Variants in LHPP observed in about 807,000 individuals in gnomAD.
LHPP encodes hLHPP.
LHPP carries 24 observed loss-of-function variants against 30.3 expected under a neutral mutation model. The ratio of observed to expected loss-of-function variants is 0.79; its 90% CI spans 0.57 to 1.11. LHPP has a LOEUF of 1.11. Among genes scored for constraint, LHPP ranks in the 50% most tolerant of loss-of-function variants. LHPP has a pLI of 0.00. For missense variants in LHPP, 356 were observed against 367.2 expected, an observed-to-expected ratio of 0.97 and a Z score of 0.25; for synonymous variants, 150 against 157.1, an observed-to-expected ratio of 0.95 and a Z score of 0.34.
At chr10:124,530,815 C>G (rs999650124) in intron 6 of LHPP, among the ~76,000 whole-genome samples, 4 of 152,204 alleles carry the variant, frequency 2.6e-5, no homozygotes, top group African/African-American at 7.2e-5. Flanking sequence ...CACCACAGCG[C>G]ACAGGGCCGA....
At chr10:124,476,206 C>A (rs926587047) in intron 1 of LHPP, among the ~76,000 whole-genome samples, 1 of 152,184 alleles carries the variant, frequency 6.6e-6, no homozygotes, top group African/African-American at 2.4e-5. Context: ...GGAGGCCCAG[C>A]TAGGTCCCAG....
intron 5 of LHPP, 102 bp downstream of exon 5, chr10:124,498,230 C>T: frequency 6.7e-7 from 1 of 1,487,748 alleles, no homozygotes; most frequent in Non-Finnish European, 9.3e-7. Context: ...GTGGGGTTGG[C>T]CAGGCAGCCA....
chr10:124,479,247 G>C (rs11593039), intron 1 of LHPP, among the ~76,000 whole-genome samples: 5,049 of 152,226 alleles, frequency 0.033, 137 homozygotes, highest in Non-Finnish European at 0.052. Context: ...GTGGTGGGGT[G>C]GGAACAGCCC....
rs1955187209 is a variant in LHPP at position 124,541,472 on chromosome 10, C to T, written c.716+24201C>T. On this transcript the variant is annotated intron_variant, in intron 6 of 6. Coordinates refer to ENST00000368842, the MANE Select transcript of LHPP (RefSeq NM_022126.4). The surrounding 1 kb of genome is among the most constrained non-coding windows in gnomAD (Gnocchi z 4.2). ...AGAGCCAGCCTCTGCTAGCCCCAGACCTAACGGAGTTGCGGCTCATGGCCA... is the reference window on the plus strand; with the variant it reads ...AGAGCCAGCCTCTGCTAGCCCCAGATCTAACGGAGTTGCGGCTCATGGCCA... Among the ~76,000 whole-genome samples, 1 of 152,126 alleles carries T rather than the reference C, an allele frequency of 6.6e-6. No individual in the cohort carries two copies.
At chr10:124,530,016 C>T (rs561337484) in intron 6 of LHPP, among the ~76,000 whole-genome samples, 1 of 152,322 alleles carries the variant, frequency 6.6e-6, no homozygotes, top group East Asian at 1.9e-4. Context: ...CCACAGGGCC[C>T]AGGCCACCCG....
Position 124,613,183 on chromosome 10 carries a change from A to T in LHPP, c.717-81A>T. 1.8e-6 allele frequency: 2 copies of T among 1,085,992 alleles called. 1 individual carries two copies. Among genetic ancestry groups the T allele is most frequent in the South Asian group, 2.5e-5 (2 of 80,310 alleles). 67.3% of individuals were successfully genotyped at this position (1,085,992 alleles called of 1,614,324 possible). A position where few individuals can be genotyped will look rare whatever the true frequency, so the allele number is the denominator to read the frequency against. On this transcript the variant is annotated intron_variant, in intron 6 of 6. Coordinates refer to ENST00000368842, the MANE Select transcript of LHPP (RefSeq NM_022126.4). Reference sequence around the variant, plus strand: ...GTTTCCTCAAGCTAAGGCCAGGCCCATGTTAGATGCTGGGAGGGTGGGTGT... The same window carrying T: ...GTTTCCTCAAGCTAAGGCCAGGCCCTTGTTAGATGCTGGGAGGGTGGGTGT...
intron 1 of LHPP, among the ~76,000 whole-genome samples, chr10:124,480,620 G>T (rs1428449936): frequency 6.6e-6 from 1 of 152,174 alleles, no homozygotes; most frequent in Non-Finnish European, 1.5e-5. Context: ...CCAATCAATG[G>T]AGATCTATCC....
intron 6 of LHPP, among the ~76,000 whole-genome samples, chr10:124,579,199 C>T (rs570935714): frequency 1.7e-4 from 26 of 152,358 alleles, no homozygotes; most frequent in African/African-American, 5.5e-4. Context: ...CCGGGCCGAG[C>T]GTTCTGAGCG....
intron 6 of LHPP, among the ~76,000 whole-genome samples, chr10:124,544,692 G>A (rs1955289324): frequency 6.6e-6 from 1 of 152,222 alleles, no homozygotes; most frequent in Admixed American, 6.5e-5. Flanking sequence ...TCGGCTCTGT[G>A]GCCGGCTGAG....
chr10:124,556,868 A>G (rs1948309158), intron 6 of LHPP, among the ~76,000 whole-genome samples: 2 of 152,180 alleles, frequency 1.3e-5, no homozygotes, highest in African/African-American at 2.4e-5. Flanking sequence ...TTTTAAACGA[A>G]GGCTCTTCTT....
At chr10:124,580,091 T>C (rs1240554383) in intron 6 of LHPP, among the ~76,000 whole-genome samples, 2 of 148,386 alleles carry the variant, frequency 1.3e-5, no homozygotes, top group African/African-American at 4.8e-5. Context: ...TACCTATTCA[T>C]ATCCTTTGTA....
intron 6 of LHPP, among the ~76,000 whole-genome samples, chr10:124,556,799 A>G (rs779539061): frequency 2.0e-5 from 3 of 152,254 alleles, no homozygotes; most frequent in Admixed American, 1.3e-4. Context: ...TCAGTCGCTG[A>G]TATTTGTTTC....
intron 6 of LHPP, among the ~76,000 whole-genome samples, chr10:124,542,572 C>T (rs957536725): frequency 1.1e-4 from 17 of 152,162 alleles, no homozygotes; most frequent in Admixed American, 9.2e-4. Context: ...TCTCCTGCAT[C>T]CCCAGGTGGG....
At position 124,496,882 on chromosome 10, in the gene LHPP, T is replaced by C. The variant is rs10794134; in HGVS notation, c.468-79T>C. The C allele has an allele frequency of 0.7, 927,999 of 1,317,066 alleles. 328,919 individuals are homozygous for C. Among genetic ancestry groups the C allele is most frequent in the African/African-American group, 0.8 (54,754 of 68,124 alleles). 81.6% of individuals were successfully genotyped at this position (1,317,066 alleles called of 1,614,324 possible). A position where few individuals can be genotyped will look rare whatever the true frequency, so the allele number is the denominator to read the frequency against. The stretch of plus-strand genomic sequence containing the variant: ...TCTGCAGCCAGCGGGACAGGCCCGG[T>C]GCTCAGCTCCCGATACTTAGCATCC... On this transcript the variant is annotated intron_variant, in intron 3 of 6. Transcript: ENST00000368842. This position sits in a 1 kb window ranked among gnomAD's most constrained non-coding sequence, Gnocchi z 4.3.
At chr10:124,511,339 C>T (rs895944693) in intron 5 of LHPP, among the ~76,000 whole-genome samples, 7 of 152,184 alleles carry the variant, frequency 4.6e-5, no homozygotes, top group African/African-American at 1.7e-4. Context: ...TATGTCCTTG[C>T]TCTGCCTGGA....
chr10:124,510,650 A>G lies in LHPP; in HGVS notation c.625-6530A>G, dbSNP rs182491273. Among the ~76,000 whole-genome samples the G allele has an allele frequency of 1.6e-4, 25 of 152,384 alleles. No homozygotes were observed. The highest frequency in any genetic ancestry group is 5.2e-4 in the Admixed American group (8 of 15,306). On this transcript the variant is annotated intron_variant, in intron 5 of 6. Coordinates refer to ENST00000368842, the MANE Select transcript of LHPP (RefSeq NM_022126.4). This position sits in a 1 kb window ranked among gnomAD's most constrained non-coding sequence, Gnocchi z 4.0. ...GTCTGGTTTTGTATGTGGGAGGAGC[A>G]TGCACACAGTTTCATTTTCCCCGGA...
chr10:124,578,665 G>A (rs1948701679), intron 6 of LHPP, among the ~76,000 whole-genome samples: 1 of 152,232 alleles, frequency 6.6e-6, no homozygotes, highest in Admixed American at 6.5e-5. Context: ...GTGGCACAGA[G>A]CTGAGGGGAC....
At chr10:124,512,966 C>T (rs1029110196) in intron 5 of LHPP, among the ~76,000 whole-genome samples, 2 of 152,238 alleles carry the variant, frequency 1.3e-5, no homozygotes, top group African/African-American at 4.8e-5. Flanking sequence ...TAAGACTCCC[C>T]TGGCTTGGGC....
intron 1 of LHPP, among the ~76,000 whole-genome samples, chr10:124,462,529 A>G (rs1952434102): frequency 6.6e-6 from 1 of 152,162 alleles, no homozygotes; most frequent in African/African-American, 2.4e-5. Context: ...CAGGAGGTCA[A>G]GGCTACAGTG....
Sources: allele counts gnomAD v4.1 joint callset (sites outside exome capture counted in the v4.1 genomes callset), GRCh38; gene constraint gnomAD v4.1.1; non-coding constraint Gnocchi (gnomAD v3.1); transcripts MANE v1.5; gene names NCBI Gene and HGNC (gene_info 2026-07-23, HGNC 2026-07-21).